PAPPA2: variants seen among roughly 807,000 people sequenced by gnomAD.
PAPPA2 encodes pappalysin 2.
Under a neutral mutation model 176.4 loss-of-function variants are expected in PAPPA2, and 86 were observed. That is an observed-to-expected ratio of 0.49 (90% CI 0.41 to 0.58). The LOEUF (loss-of-function observed/expected upper bound fraction) is 0.58. PAPPA2 is among the 20% of genes least tolerant of loss of function. The pLI is 0.00. For synonymous variants in PAPPA2, 809 were observed against 852.2 expected, an observed-to-expected ratio of 0.95 and a Z score of 0.88; for missense variants, 2,073 against 2,256.9, an observed-to-expected ratio of 0.92 and a Z score of 1.65.
At chr1:176,813,138 T>C (rs1196049619) in intron 21 of PAPPA2, among the ~76,000 whole-genome samples, 1 of 152,258 alleles carries the variant, frequency 6.6e-6, no homozygotes, top group Non-Finnish European at 1.5e-5. Flanking sequence ...TTTTTATGGC[T>C]GCATAGTATT....
intron 1 of PAPPA2, among the ~76,000 whole-genome samples, chr1:176,519,532 G>T (rs1157871900): frequency 6.6e-6 from 1 of 152,134 alleles, no homozygotes; most frequent in Non-Finnish European, 1.5e-5. Flanking sequence ...TCAGATGAAG[G>T]TCCAGGGTCA....
chr1:176,534,872 T>C (rs139544414), intron 1 of PAPPA2, among the ~76,000 whole-genome samples: 7 of 152,252 alleles, frequency 4.6e-5, no homozygotes, highest in African/African-American at 1.7e-4. Flanking sequence ...TAGCAAACAG[T>C]TGGAATAGAG....
intron 12 of PAPPA2, among the ~76,000 whole-genome samples, chr1:176,726,695 A>C (rs1182267508): frequency 6.6e-6 from 1 of 152,194 alleles, no homozygotes; most frequent in East Asian, 1.9e-4. Flanking sequence ...GGAATTTTTC[A>C]AGGATGAGGA....
intron 21 of PAPPA2, among the ~76,000 whole-genome samples, chr1:176,804,375 TG>T (rs1665805239): frequency 6.6e-6 from 1 of 152,136 alleles, no homozygotes; most frequent in Admixed American, 6.6e-5. Flanking sequence ...TTGTCACGAC[TG>T]GGCGAATGGG....
At chr1:176,472,491 A>G (rs1483506717) in intron 1 of PAPPA2, among the ~76,000 whole-genome samples, 2 of 151,766 alleles carry the variant, frequency 1.3e-5, no homozygotes, top group African/African-American at 2.4e-5. Flanking sequence ...CATCTTACAT[A>G]TTTTCTGCCC....
chr1:176,789,671 G>A, intron 17 of PAPPA2, 138 bp from the exon 18 acceptor site: 2 of 840,974 alleles, frequency 2.4e-6, no homozygotes. Flanking sequence ...ATTAGCCTAG[G>A]ACAGTGGGAC....
At chr1:176,691,558 C>G (rs1053229722) in intron 5 of PAPPA2, among the ~76,000 whole-genome samples, 1 of 152,202 alleles carries the variant, frequency 6.6e-6, no homozygotes, top group Non-Finnish European at 1.5e-5. Context: ...GACTGGTGTG[C>G]TTTCACTAGA....
intron 17 of PAPPA2, among the ~76,000 whole-genome samples, chr1:176,787,141 C>T (rs1344528741): frequency 1.3e-5 from 2 of 152,076 alleles, no homozygotes; most frequent in Non-Finnish European, 2.9e-5. Flanking sequence ...GGTATCTTGC[C>T]AAACACTTGA....
At chr1:176,595,710 C>A in intron 3 of PAPPA2, 115 bp downstream of exon 3, 1 of 1,006,562 alleles carries the variant, frequency 9.9e-7, no homozygotes, top group Non-Finnish European at 1.4e-6. Context: ...GACATTAATC[C>A]ACCCCATCAG....
At chr1:176,577,137 G>A (rs1043007099) in intron 2 of PAPPA2, among the ~76,000 whole-genome samples, 12 of 152,090 alleles carry the variant, frequency 7.9e-5, no homozygotes, top group African/African-American at 2.7e-4. Context: ...AATATTTATT[G>A]ATACTGTGCC....
chr1:176,669,987 C>T (rs746461845), intron 3 of PAPPA2, among the ~76,000 whole-genome samples: 6 of 152,066 alleles, frequency 3.9e-5, no homozygotes, highest in African/African-American at 1.2e-4. Flanking sequence ...GCCCAGCTGA[C>T]GCTGTGATAG....
intron 2 of PAPPA2, among the ~76,000 whole-genome samples, chr1:176,575,631 G>C (rs969687202): frequency 1.3e-5 from 2 of 152,192 alleles, no homozygotes; most frequent in Non-Finnish European, 2.9e-5. Context: ...CCAGGCACTG[G>C]AGATATGGCA....
chr1:176,793,841 T>C (rs1250725689), intron 20 of PAPPA2, among the ~76,000 whole-genome samples, 172 bp downstream of exon 20: 3 of 152,076 alleles, frequency 2.0e-5, no homozygotes, highest in Non-Finnish European at 4.4e-5. Flanking sequence ...AGAGGGAAGC[T>C]TGAAAACAAA....
At chr1:176,623,747 T>TTTCCTTCCTTCCTTCC (rs1208804063) in intron 3 of PAPPA2, among the ~76,000 whole-genome samples, 7 of 86,286 alleles carry the variant, frequency 8.1e-5, no homozygotes, top group African/African-American at 3.4e-4. Flanking sequence ...TTTCTCTCTC[T>TTTCCTTCCTTCCTTCC]TTCCTTCCTT....
chr1:176,784,207 A>T (rs1664834342), intron 17 of PAPPA2, among the ~76,000 whole-genome samples: 1 of 152,222 alleles, frequency 6.6e-6, no homozygotes, highest in Non-Finnish European at 1.5e-5. Context: ...TATCCTGGTA[A>T]GGGCCTGTTT....
At chr1:176,642,916 G>A (rs1657180695) in intron 3 of PAPPA2, among the ~76,000 whole-genome samples, 1 of 151,856 alleles carries the variant, frequency 6.6e-6, no homozygotes, top group Non-Finnish European at 1.5e-5. Context: ...TCTTTTTGAG[G>A]ATGTAGAAAT....
chr1:176,500,315 A>G (rs1362516993), intron 1 of PAPPA2, among the ~76,000 whole-genome samples: 4 of 151,888 alleles, frequency 2.6e-5, no homozygotes, highest in Non-Finnish European at 1.5e-5. Flanking sequence ...TAAACACAGT[A>G]TATTATTTTG....
intron 4 of PAPPA2, among the ~76,000 whole-genome samples, chr1:176,686,066 T>A (rs1162885716): frequency 6.6e-6 from 1 of 152,136 alleles, no homozygotes; most frequent in Non-Finnish European, 1.5e-5. Context: ...ATCACAAGTT[T>A]GTTTTGGTTG....
intron 14 of PAPPA2, among the ~76,000 whole-genome samples, chr1:176,750,638 C>G (rs1011334719): frequency 2.0e-5 from 3 of 151,982 alleles, no homozygotes; most frequent in African/African-American, 7.3e-5. Flanking sequence ...ACAACAACAA[C>G]AACAACAACA....
Sources: allele counts gnomAD v4.1 joint callset (sites outside exome capture counted in the v4.1 genomes callset), GRCh38; gene constraint gnomAD v4.1.1; transcripts MANE v1.5; gene names NCBI Gene and HGNC (gene_info 2026-07-23, HGNC 2026-07-21).